PIK3C2G: variants seen among roughly 807,000 people sequenced by gnomAD.
The protein encoded by PIK3C2G is phosphatidylinositol-4-phosphate 3-kinase catalytic subunit type 2 gamma.
A neutral mutation model predicts 181.1 loss-of-function variants in PIK3C2G; 168 were observed. The ratio of observed to expected loss-of-function variants is 0.93; its 90% confidence interval spans 0.82 to 1.05. The LOEUF (loss-of-function observed/expected upper bound fraction) is 1.05. PIK3C2G is among the 50% of genes least tolerant of loss of function. PIK3C2G has a pLI of 0.00. For missense variants in PIK3C2G, 1,869 were observed against 1,732.8 expected (o/e 1.08, Z -1.40); for synonymous variants, 573 against 592.2 (o/e 0.97, Z 0.47).
chr12:18,386,135 C>T (rs758707777), intron 14 of PIK3C2G, among the ~76,000 whole-genome samples: 2 of 152,138 alleles, frequency 1.3e-5, no homozygotes, highest in Non-Finnish European at 2.9e-5. Flanking sequence ...TTATCTCCTT[C>T]CACTGCTCTC....
intron 15 of PIK3C2G, among the ~76,000 whole-genome samples, chr12:18,395,359 C>G (rs1206758960): frequency 6.6e-6 from 1 of 150,384 alleles, no homozygotes; most frequent in Non-Finnish European, 1.5e-5. Flanking sequence ...AGGTTGAATA[C>G]TATCTTTGTG....
chr12:18,574,968 C>G (rs760699794), intron 29 of PIK3C2G, among the ~76,000 whole-genome samples: 1 of 152,042 alleles, frequency 6.6e-6, no homozygotes, highest in Non-Finnish European at 1.5e-5. Context: ...ACAAAATAGC[C>G]TCCTAATTGT....
the PIK3C2G span, among the ~76,000 whole-genome samples, chr12:18,677,645 C>T: frequency 0.015 from 2,233 of 152,106 alleles, 58 homozygotes; most frequent in African/African-American, 0.051. Flanking sequence ...TGAAGCAGAA[C>T]GCCACACCAA....
chr12:18,384,738 G>A (rs772785428), intron 14 of PIK3C2G, among the ~76,000 whole-genome samples: 4 of 152,158 alleles, frequency 2.6e-5, no homozygotes, highest in East Asian at 1.9e-4. Context: ...CGATTTCCAC[G>A]TAAAGATCTG....
intron 26 of PIK3C2G, among the ~76,000 whole-genome samples, chr12:18,559,069 CA>C (rs1945158726): frequency 6.6e-6 from 1 of 151,972 alleles, no homozygotes; most frequent in African/African-American, 2.4e-5. Context: ...AGAGAAAGTT[CA>C]AAAAAGAATG....
chr12:18,647,482 T>G (rs773973345), intron 32 of PIK3C2G, among the ~76,000 whole-genome samples: 3 of 152,028 alleles, frequency 2.0e-5, no homozygotes. Flanking sequence ...CTGCTTTTCC[T>G]CATTAACCTT....
At chr12:18,443,005 G>C (rs996229061) in intron 18 of PIK3C2G, among the ~76,000 whole-genome samples, 1 of 151,984 alleles carries the variant, frequency 6.6e-6, no homozygotes, top group East Asian at 1.9e-4. Flanking sequence ...CCACGTAGCT[G>C]GGATTACAGG....
At chr12:18,458,941 T>C (rs1389908051) in intron 18 of PIK3C2G, among the ~76,000 whole-genome samples, 2 of 151,090 alleles carry the variant, frequency 1.3e-5, no homozygotes, top group East Asian at 3.9e-4. Flanking sequence ...TCAACAAGCA[T>C]AGAAGTGAGT....
intron 31 of PIK3C2G, among the ~76,000 whole-genome samples, chr12:18,631,684 C>A (rs932218982): frequency 3.3e-5 from 5 of 151,966 alleles, no homozygotes; most frequent in African/African-American, 1.2e-4. Context: ...GGCAGATGAA[C>A]CAAAGCGAAA....
At chr12:18,342,368 T>C (rs1235665226) in intron 9 of PIK3C2G, among the ~76,000 whole-genome samples, 2 of 152,092 alleles carry the variant, frequency 1.3e-5, no homozygotes, top group Non-Finnish European at 2.9e-5. Flanking sequence ...CAAAATGTTC[T>C]CTCTCTAAAG....
chr12:18,247,830 A>G (rs1948056004), exon 1 of PIK3C2G: 1 of 152,192 alleles, frequency 6.6e-6, no homozygotes, highest in Non-Finnish European at 1.5e-5. Context: ...TCTGCCCCTC[A>G]ACTTTACAGG....
intron 1 of PIK3C2G, among the ~76,000 whole-genome samples, chr12:18,281,643 T>C (rs10841006): frequency 0.46 from 69,714 of 151,804 alleles, 16,244 homozygotes; most frequent in Non-Finnish European, 0.51. Context: ...TTAGCTAATA[T>C]GAAAGAGACT....
At chr12:18,699,016 C>T in the PIK3C2G span, among the ~76,000 whole-genome samples, 1 of 152,148 alleles carries the variant, frequency 6.6e-6, no homozygotes, top group Admixed American at 6.5e-5. Context: ...TTGGGACATT[C>T]CCCACATAAT....
chr12:18,277,227 T>C (rs1332236556), intron 1 of PIK3C2G, among the ~76,000 whole-genome samples: 1 of 152,152 alleles, frequency 6.6e-6, no homozygotes, highest in African/African-American at 2.4e-5. Context: ...CTGAGGAAGG[T>C]CAGATTTGTG....
At chr12:18,402,776 C>T (rs190271905) in intron 16 of PIK3C2G, among the ~76,000 whole-genome samples, 2 of 152,234 alleles carry the variant, frequency 1.3e-5, no homozygotes, top group African/African-American at 4.8e-5. Context: ...AATTATGCTT[C>T]GTGAGTCTTC....
intron 1 of PIK3C2G, among the ~76,000 whole-genome samples, chr12:18,270,189 C>T (rs563390910): frequency 8.3e-4 from 126 of 152,158 alleles, no homozygotes; most frequent in African/African-American, 2.9e-3. Context: ...GGATTACAGG[C>T]GTGAGCCACT....
chr12:18,420,069 G>C (rs1194706847), intron 16 of PIK3C2G, among the ~76,000 whole-genome samples: 1 of 152,084 alleles, frequency 6.6e-6, no homozygotes, highest in African/African-American at 2.4e-5. Flanking sequence ...ACTATAAGCA[G>C]TTCCTTCACG....
upstream of PIK3C2G, among the ~76,000 whole-genome samples, chr12:18,260,128 T>C (rs1258449647): frequency 6.6e-6 from 1 of 151,972 alleles, no homozygotes; most frequent in African/African-American, 2.4e-5. Context: ...CAAGATTAGA[T>C]TGTTCCTTTT....
At chr12:18,538,098 T>A in intron 24 of PIK3C2G, 58 bp from the exon 25 acceptor site, 1 of 1,506,464 alleles carries the variant, frequency 6.6e-7, no homozygotes, top group Non-Finnish European at 9.1e-7. Context: ...AACTGCTGAT[T>A]TAACCTGACA....
Sources: allele counts gnomAD v4.1 joint callset (sites outside exome capture counted in the v4.1 genomes callset), GRCh38; gene constraint gnomAD v4.1.1; transcripts MANE v1.5; gene names NCBI Gene and HGNC (gene_info 2026-07-23, HGNC 2026-07-21).